POLD1: variants seen among roughly 807,000 people sequenced by gnomAD.
The protein encoded by POLD1 is DNA polymerase delta 1, catalytic subunit, also known as DNA polymerase delta catalytic subunit.
Under a neutral mutation model 129.7 loss-of-function variants are expected in POLD1, and 79 were observed. The ratio of observed to expected loss-of-function variants is 0.61; its 90% confidence interval spans 0.51 to 0.73. The LOEUF (loss-of-function observed/expected upper bound fraction) is 0.73. Among genes scored for constraint, POLD1 ranks in the 30% least tolerant of loss-of-function variants. The pLI is 0.00. For missense variants in POLD1, 1,338 were observed against 1,595.8 expected, an observed-to-expected ratio of 0.84 and a Z score of 2.75; for synonymous variants, 714 against 683.3, an observed-to-expected ratio of 1.04 and a Z score of -0.70.
At chr19:50,411,696 C>T (rs1351030773) in intron 17 of POLD1, among the ~76,000 whole-genome samples, 1 of 151,848 alleles carries the variant, frequency 6.6e-6, no homozygotes, top group Admixed American at 6.6e-5. Context: ...AAACATTAGC[C>T]AGGAGTGGTG....
intron 23 of POLD1, 21 bp from the exon 24 acceptor site, chr19:50,416,589 C>T (rs998546328): frequency 6.5e-7 from 1 of 1,549,872 alleles, no homozygotes; most frequent in African/African-American, 1.4e-5. Context: ...ACCGGCCCAC[C>T]ACCTGCCTCC....
chr19:50,410,955 A>AC (rs1568632733), intron 17 of POLD1: 1 of 107,004 alleles, frequency 9.3e-6, no homozygotes, highest in Non-Finnish European at 1.7e-5. Context: ...GTACACAAAC[A>AC]CCTTTTTTTT....
chr19:50,416,723 G>A lies in POLD1; in HGVS notation c.3067G>A (p.Gly1023Arg). The change falls in exon 24 of 27, where the codon GGA becomes AGA. Residue 1023 changes from glycine (G) to arginine (R), a missense_variant and splice_region_variant. Around this residue, in one of 3 missense-constraint regions of POLD1, gnomAD observed 286 missense variants for 277.5 expected, o/e 1.03. Transcript: ENST00000440232. ...IGCRTVLSHQGAVCEFCQPRE... is the reference protein window; with the variant it reads ...IGCRTVLSHQRAVCEFCQPRE... Reference sequence around the variant, plus strand: ...CTGCCGCACAGTGCTCAGCCACCAGGGTGAGCGGCCCTGGCCACTGGGCCC... The same window carrying A: ...CTGCCGCACAGTGCTCAGCCACCAGAGTGAGCGGCCCTGGCCACTGGGCCC... The A allele has an allele frequency of 1.3e-6, 2 of 1,534,190 alleles. No homozygotes were observed. Among genetic ancestry groups the A allele is most frequent in the Non-Finnish European group, 1.7e-6 (2 of 1,144,388 alleles).
intron 10 of POLD1, among the ~76,000 whole-genome samples, chr19:50,405,629 A>G (rs767060938): frequency 1.3e-5 from 2 of 152,122 alleles, no homozygotes; most frequent in African/African-American, 4.8e-5. Context: ...CCCCCAGTGT[A>G]TATTCCACAG....
chr19:50,393,017 G>C (rs977612860), intron 1 of POLD1, among the ~76,000 whole-genome samples: 1 of 152,196 alleles, frequency 6.6e-6, no homozygotes, highest in Non-Finnish European at 1.5e-5. Flanking sequence ...ACAGTTAGGT[G>C]GTTTCCAGTC....
chr19:50,417,677 C>A (rs933475387), intron 26 of POLD1, among the ~76,000 whole-genome samples, 165 bp from the exon 27 acceptor site: 4 of 105,258 alleles, frequency 3.8e-5, no homozygotes, highest in East Asian at 3.4e-4. Flanking sequence ...CGGCTCCCCC[C>A]CCCCACCCCC....
intron 8 of POLD1, 28 bp downstream of exon 8, chr19:50,402,769 C>A: frequency 6.4e-7 from 1 of 1,564,648 alleles, no homozygotes; most frequent in South Asian, 1.2e-5. Context: ...GGCTCCTGCC[C>A]GCCTCATTGA....
Position 50,406,169 on chromosome 19 carries a change from C to G in POLD1, c.1243-13C>G, listed in dbSNP as rs1057522417. The stretch of plus-strand genomic sequence containing the variant: ...ACCCGCAGCCTGCTGCACACCCTGC[C>G]TCTCCTCCTCAGGTACAAACATTCC... On this transcript the variant is annotated splice_polypyrimidine_tract_variant and intron_variant, in intron 10 of 26. Coordinates refer to ENST00000440232, the MANE Select transcript of POLD1 (RefSeq NM_002691.4). The surrounding 1 kb of genome is among the most constrained non-coding windows in gnomAD (Gnocchi z 5.5). 1 of 1,609,910 alleles carries G rather than the reference C, an allele frequency of 6.2e-7. No homozygotes were observed. The highest frequency in any genetic ancestry group is 1.7e-5 in the Admixed American group (1 of 59,896).
chr19:50,414,751 G>T (rs574849452), intron 19 of POLD1, 64 bp from the exon 20 acceptor site: 547 of 1,318,016 alleles, frequency 4.2e-4, no homozygotes, highest in Non-Finnish European at 5.0e-4. Context: ...AGTTTCTGGG[G>T]GGCGTCTCCA....
intron 1 of POLD1, among the ~76,000 whole-genome samples, chr19:50,394,672 T>TA (rs2038282816): frequency 6.6e-6 from 1 of 151,186 alleles, no homozygotes; most frequent in South Asian, 2.1e-4. Flanking sequence ...ATAAGTAAAA[T>TA]AAAAAGGCAA....
At position 50,413,554 on chromosome 19, in the gene POLD1, G is replaced by A. The variant is rs3219422; in HGVS notation, c.2250+33G>A. On this transcript the variant is annotated intron_variant, in intron 18 of 26. Transcript: ENST00000440232. ...GCTGCCCACCGCTGCCCTGAGATGG[G>A]CCCAGGGCAGGTGGGGGGATGGAAG... is the stretch of plus-strand genomic sequence containing the variant. The A allele has an allele frequency of 1.1e-3, 1,720 of 1,571,816 alleles. 49 individuals are homozygous for A. The East Asian group carries it at 0.03, about 27-fold the overall frequency.
At position 50,409,717 on chromosome 19, in the gene POLD1, G is replaced by T. The variant is rs188321836; in HGVS notation, c.2154+51G>T. 1.3e-6 allele frequency: 2 copies of T among 1,540,694 alleles called. No homozygotes were observed. Among genetic ancestry groups the T allele is most frequent in the Admixed American group, 3.9e-5 (2 of 51,634 alleles). On this transcript the variant is annotated intron_variant, in intron 17 of 26. Transcript: ENST00000440232. This position sits in a 1 kb window ranked among gnomAD's most constrained non-coding sequence, Gnocchi z 5.8. The stretch of plus-strand genomic sequence containing the variant: ...AACTGGGGGCAGGTGGGCCCCCTGT[G>T]TAGGAGACCAGGGCTCCATGTGGGG...
intron 3 of POLD1, 119 bp downstream of exon 3, chr19:50,399,603 C>T: frequency 1.4e-6 from 1 of 703,780 alleles, no homozygotes; most frequent in East Asian, 2.7e-5. Flanking sequence ...GTCAGCCCCT[C>T]TGGCTCTGCC....
chr19:50,398,774 G>T, intron 1 of POLD1, 77 bp from the exon 2 acceptor site: 1 of 1,549,284 alleles, frequency 6.5e-7, no homozygotes. Flanking sequence ...GTCATGGTGG[G>T]TGCATGGGAT....
Position 50,409,424 on chromosome 19 carries a change from G to A in POLD1, c.2007-95G>A, listed in dbSNP as rs991899862. The stretch of plus-strand genomic sequence containing the variant: ...GCCAGAAGCTTCTGTGCAGTGCACA[G>A]TACGCCCAACCGTACATGGCACTCA... On this transcript the variant is annotated intron_variant, in intron 16 of 26. Coordinates refer to ENST00000440232, the MANE Select transcript of POLD1 (RefSeq NM_002691.4). The surrounding 1 kb of genome is among the most constrained non-coding windows in gnomAD (Gnocchi z 5.8). 27 of 1,547,336 alleles carry A rather than the reference G, an allele frequency of 1.7e-5. 1 individual carries two copies. The Admixed American group carries it at 4.6e-4, about 26-fold the overall frequency.
chr19:50,413,377 C>A, intron 17 of POLD1, 49 bp from the exon 18 acceptor site: 2 of 1,525,204 alleles, frequency 1.3e-6, no homozygotes, highest in Non-Finnish European at 1.8e-6. Context: ...CCCACGTTCA[C>A]TGCACATGGC....
intron 3 of POLD1, among the ~76,000 whole-genome samples, chr19:50,400,133 ATTTTTTTTTT>A (rs71182715): frequency 5.0e-4 from 24 of 48,134 alleles, no homozygotes; most frequent in Admixed American, 2.5e-3. Context: ...TTTTTAAAAG[ATTTTTTTTTT>A]TTTTTTTTTT....
chr19:50,416,322 GCCCCATGACCA>G, intron 22 of POLD1, 63 bp from the exon 23 acceptor site: 1 of 1,495,754 alleles, frequency 6.7e-7, no homozygotes, highest in Non-Finnish European at 9.0e-7. Context: ...TAAGCCCCAG[GCCCCATGACCA>G]CCCCGTGTCC....
intron 1 of POLD1, among the ~76,000 whole-genome samples, chr19:50,390,758 AT>A (rs1568606662): frequency 6.6e-6 from 1 of 151,972 alleles, no homozygotes; most frequent in African/African-American, 2.4e-5. Context: ...GGTACTTGAG[AT>A]TAGGGAGTGG....
Sources: gnomAD v4.1 joint callset for allele counts (sites outside exome capture counted in the v4.1 genomes callset) on GRCh38, gnomAD v4.1.1 for gene constraint, gnomAD v4.1.1 regional missense constraint, Gnocchi (gnomAD v3.1) non-coding constraint, MANE v1.5 for transcripts, NCBI Gene and HGNC (gene_info 2026-07-23, HGNC 2026-07-21) for gene names.